SLC6A5: variants seen among roughly 807,000 people sequenced by gnomAD.
The protein encoded by SLC6A5 is solute carrier family 6 member 5.
Under a neutral mutation model 90.5 loss-of-function variants are expected in SLC6A5, and 58 were observed. The ratio of observed to expected loss-of-function variants is 0.64; its 90% confidence interval spans 0.52 to 0.80. SLC6A5 has a LOEUF of 0.80. Among genes scored for constraint, SLC6A5 ranks in the 30% least tolerant of loss-of-function variants. SLC6A5 has a pLI of 0.00. For synonymous variants in SLC6A5, 427 were observed against 401.4 expected (o/e 1.06, Z -0.76); for missense variants, 1,015 against 1,017.6 (o/e 1.00, Z 0.03).
chr11:20,642,477 C>A (rs1244029536), intron 13 of SLC6A5, among the ~76,000 whole-genome samples: 1 of 152,156 alleles, frequency 6.6e-6, no homozygotes, highest in Non-Finnish European at 1.5e-5. Flanking sequence ...TTCCCCCCTG[C>A]TGTTTTTCTG....
chr11:20,651,596 G>C (rs900637963), intron 14 of SLC6A5, among the ~76,000 whole-genome samples: 2 of 151,052 alleles, frequency 1.3e-5, no homozygotes, highest in African/African-American at 4.9e-5. Context: ...TATAGCAAAA[G>C]CTTGATTATT....
chr11:20,650,185 T>C (rs1348774065), intron 14 of SLC6A5, among the ~76,000 whole-genome samples: 1 of 152,150 alleles, frequency 6.6e-6, no homozygotes, highest in Non-Finnish European at 1.5e-5. Flanking sequence ...AGGACTTACA[T>C]AGGTACATTA....
intron 7 of SLC6A5, among the ~76,000 whole-genome samples, chr11:20,618,419 C>T (rs954540313): frequency 1.3e-5 from 2 of 152,208 alleles, no homozygotes; most frequent in African/African-American, 4.8e-5. Flanking sequence ...CCATGTGCCC[C>T]TAGCACTAAA....
At chr11:20,626,914 A>T in intron 8 of SLC6A5, 72 bp downstream of exon 8, 1 of 1,273,968 alleles carries the variant, frequency 7.8e-7, no homozygotes, top group Non-Finnish European at 1.1e-6. Context: ...AAAAAGGGTT[A>T]GACTTCCTCC....
intron 13 of SLC6A5, among the ~76,000 whole-genome samples, chr11:20,639,717 C>T (rs923485940): frequency 5.3e-5 from 8 of 152,258 alleles, no homozygotes; most frequent in African/African-American, 1.9e-4. Flanking sequence ...GAGTGGGAAT[C>T]AAGATGGAAA....
Position 20,655,669 on chromosome 11 carries a change from G to A in SLC6A5, c.*801G>A, listed in dbSNP as rs1399202886. The A allele has an allele frequency of 6.6e-6, 1 of 152,152 alleles. No individual in the cohort carries two copies. Among genetic ancestry groups the A allele is most frequent in the Admixed American group, 6.5e-5 (1 of 15,276 alleles). The allele number at this position is 152,152 out of a possible 1,614,324, so 9.4% of individuals were successfully genotyped here. On this transcript the variant is annotated 3_prime_UTR_variant, in exon 16 of 16. Transcript: ENST00000525748. Reference sequence around the variant, plus strand: ...TTGTACGTTCATAGTAGAGCTCCATGCTCATTTCTACATGATATTTAGCAC... The same window carrying A: ...TTGTACGTTCATAGTAGAGCTCCATACTCATTTCTACATGATATTTAGCAC...
chr11:20,645,899 T>G (rs1853406228), intron 13 of SLC6A5, among the ~76,000 whole-genome samples: 1 of 152,138 alleles, frequency 6.6e-6, no homozygotes, highest in Non-Finnish European at 1.5e-5. Context: ...CCTCCCAAAG[T>G]GCTGGGATTA....
chr11:20,637,665 T>C (rs910431503), intron 12 of SLC6A5, among the ~76,000 whole-genome samples: 5 of 152,194 alleles, frequency 3.3e-5, no homozygotes, highest in African/African-American at 9.7e-5. Context: ...TGTGCTCTGA[T>C]TGCATCTGTG....
intron 9 of SLC6A5, chr11:20,629,224 T>C (rs3781748): frequency 0.088 from 13,394 of 152,156 alleles, 661 homozygotes; most frequent in East Asian, 0.21. Flanking sequence ...GTAGAGACAC[T>C]GGGCTCTCTT....
At chr11:20,623,606 C>T (rs764177214) in intron 7 of SLC6A5, among the ~76,000 whole-genome samples, 24 of 152,112 alleles carry the variant, frequency 1.6e-4, no homozygotes, top group Non-Finnish European at 3.1e-4. Flanking sequence ...GAGTCCCTGC[C>T]GTAGCCCTGT....
chr11:20,650,693 G>A (rs1221123569), intron 14 of SLC6A5, among the ~76,000 whole-genome samples: 1 of 120,866 alleles, frequency 8.3e-6, no homozygotes, highest in Non-Finnish European at 1.6e-5. Context: ...TTGAGATGGA[G>A]TCTCGCTCTG....
intron 14 of SLC6A5, among the ~76,000 whole-genome samples, chr11:20,647,781 A>C (rs1590181757): frequency 6.6e-6 from 1 of 152,234 alleles, no homozygotes. Flanking sequence ...ATTTGAACTT[A>C]GGCGGTCTGC....
rs138848148 is a variant in SLC6A5, at chr11:20,652,394, G to A, written c.2176G>A (p.Val726Ile). 6.2e-6 allele frequency: 10 copies of A among 1,613,968 alleles called. No homozygotes were observed. The highest frequency in any genetic ancestry group is 3.3e-5 in the South Asian group (3 of 91,076). Reference sequence around the variant, plus strand: ...CGGATGGCTAATGCTCGCCTGTTCCGTCATCTGGATCCCAATTATGTTTGT... The same window carrying A: ...CGGATGGCTAATGCTCGCCTGTTCCATCATCTGGATCCCAATTATGTTTGT... The part of the protein sequence containing the change: ...VLGWLMLACS[V>I]IWIPIMFVIK... Residue 726 changes from valine to isoleucine, a missense_variant, in exon 15 of 16, where the codon GTC becomes ATC. By Grantham distance (29) the Val-to-Ile change is conservative. Transcript: ENST00000525748.
intron 7 of SLC6A5, among the ~76,000 whole-genome samples, chr11:20,619,494 A>C (rs1034024847): frequency 6.6e-6 from 1 of 152,204 alleles, no homozygotes; most frequent in Non-Finnish European, 1.5e-5. Flanking sequence ...GGTCAGCTAG[A>C]GAGAACCAGC....
intron 2 of SLC6A5, 94 bp from the exon 3 acceptor site, chr11:20,604,192 G>A (rs1242053859): frequency 8.8e-6 from 13 of 1,474,994 alleles, no homozygotes; most frequent in Non-Finnish European, 1.1e-5. Flanking sequence ...GAGCCTGCTT[G>A]CTGGGAAGGA....
intron 10 of SLC6A5, among the ~76,000 whole-genome samples, chr11:20,634,078 G>A (rs12363838): frequency 0.036 from 5,431 of 152,228 alleles, 143 homozygotes; most frequent in Middle Eastern, 0.058. Flanking sequence ...CACCATATTG[G>A]CCAGGCTGGT....
rs556298931 is a variant in SLC6A5, at chr11:20,611,777, A to C, written c.986-2902A>C. Among the ~76,000 whole-genome samples, 240 of 151,476 alleles carry C rather than the reference A, an allele frequency of 1.6e-3. 1 individual carries two copies. In the South Asian group the frequency reaches 0.022, roughly 14 times the overall value. On this transcript the variant is annotated intron_variant, in intron 5 of 15. Transcript: ENST00000525748. ...TTTATTTATTTTGGTGAAAAAAAAAAAAAAACAAGGTGTCAATCCCCACTC... is the reference window on the plus strand; with the variant it reads ...TTTATTTATTTTGGTGAAAAAAAAACAAAAACAAGGTGTCAATCCCCACTC...
At chr11:20,622,913 T>G (rs1270246803) in intron 7 of SLC6A5, among the ~76,000 whole-genome samples, 1 of 152,196 alleles carries the variant, frequency 6.6e-6, no homozygotes. Flanking sequence ...GGGCCTGCCC[T>G]TGTAGTATCT....
intron 5 of SLC6A5, 87 bp from the exon 6 acceptor site, chr11:20,614,592 C>A: frequency 7.8e-7 from 1 of 1,279,290 alleles, no homozygotes; most frequent in Non-Finnish European, 1.1e-6. Flanking sequence ...ATGTTTTTGG[C>A]ATTTGTTTTT....
Sources: allele counts gnomAD v4.1 joint callset (sites outside exome capture counted in the v4.1 genomes callset), GRCh38; gene constraint gnomAD v4.1.1; transcripts MANE v1.5; gene names NCBI Gene and HGNC (gene_info 2026-07-23, HGNC 2026-07-21).